GRAP2: variants seen among roughly 807,000 people sequenced by gnomAD.
The protein encoded by GRAP2 is GRB2 related adaptor protein 2.
In GRAP2, 31 loss-of-function variants were observed where a neutral mutation model predicts 43.5. The ratio of observed to expected loss-of-function variants is 0.71; its 90% CI spans 0.54 to 0.96. The LOEUF is 0.96. Among genes scored for constraint, GRAP2 ranks in the 40% least tolerant of loss-of-function variants. GRAP2 has a pLI of 0.00. For missense variants in GRAP2, 371 were observed against 424.4 expected, an observed-to-expected ratio of 0.87 and a Z score of 1.11; for synonymous variants, 156 against 164.8, an observed-to-expected ratio of 0.95 and a Z score of 0.41.
At chr22:39,919,187 A>G (rs1397856994) in intron 1 of GRAP2, among the ~76,000 whole-genome samples, 2 of 152,044 alleles carry the variant, frequency 1.3e-5, no homozygotes, top group Non-Finnish European at 2.9e-5. Context: ...AGCTGACCCT[A>G]TTTTTTACCC....
At chr22:39,939,423 G>T (rs1490681666) in intron 1 of GRAP2, among the ~76,000 whole-genome samples, 1 of 151,924 alleles carries the variant, frequency 6.6e-6, no homozygotes. Context: ...TTAGCCGGGC[G>T]TGGTGGCAGG....
intron 1 of GRAP2, among the ~76,000 whole-genome samples, chr22:39,935,030 G>A (rs757446589): frequency 2.0e-5 from 3 of 152,114 alleles, no homozygotes; most frequent in Admixed American, 6.5e-5. Flanking sequence ...TTTGTATTTT[G>A]AGAAAAATAT....
At chr22:39,940,383 G>GTTTTTTTTTTTTTTTTTT (rs137987) in intron 1 of GRAP2, among the ~76,000 whole-genome samples, 1 of 131,466 alleles carries the variant, frequency 7.6e-6, no homozygotes, top group African/African-American at 2.8e-5. Flanking sequence ...TTTTTTGTTT[G>GTTTTTTTTTTTTTTTTTT]TTTTTTTTTT....
intron 1 of GRAP2, among the ~76,000 whole-genome samples, chr22:39,922,622 C>CA (rs2066662424): frequency 6.6e-6 from 1 of 151,774 alleles, no homozygotes; most frequent in African/African-American, 2.4e-5. Flanking sequence ...ACTCTGGAAG[C>CA]AATGAGGAGG....
intron 3 of GRAP2, among the ~76,000 whole-genome samples, chr22:39,959,361 C>G (rs994166075): frequency 1.3e-5 from 2 of 152,322 alleles, no homozygotes; most frequent in Admixed American, 6.5e-5. Context: ...GATTATTTCC[C>G]AGCCTGGATT....
chr22:39,924,376 T>C (rs931974151), intron 1 of GRAP2, among the ~76,000 whole-genome samples: 7 of 152,200 alleles, frequency 4.6e-5, no homozygotes, highest in Non-Finnish European at 1.0e-4. Flanking sequence ...GGTCGTACTT[T>C]CCATGAGTTT....
chr22:39,969,959 G>A (rs908979077), intron 7 of GRAP2, among the ~76,000 whole-genome samples: 7 of 152,152 alleles, frequency 4.6e-5, no homozygotes, highest in Admixed American at 6.5e-5. Context: ...ACAGATCAAC[G>A]AGAGGTGATG....
chr22:39,930,835 A>AT lies in GRAP2; in HGVS notation c.-14-16256dup, dbSNP rs372110371. Among the ~76,000 whole-genome samples, 44 of 151,922 alleles carry AT rather than the reference A, an allele frequency of 2.9e-4. 3 individuals carry two copies. The East Asian group carries it at 8.5e-3, about 29-fold the overall frequency. Reference sequence around the variant, plus strand: ...TCCCCAACTCCTATTTGCACACACCATTCTCTCTGTGTGTCATATATGAGC... The same window carrying AT: ...TCCCCAACTCCTATTTGCACACACCATTTCTCTCTGTGTGTCATATATGAGC... On this transcript the variant is annotated intron_variant, in intron 1 of 7. Transcript: ENST00000344138.
intron 1 of GRAP2, among the ~76,000 whole-genome samples, chr22:39,925,806 G>C (rs1281976355): frequency 1.3e-5 from 2 of 152,148 alleles, no homozygotes; most frequent in Non-Finnish European, 2.9e-5. Flanking sequence ...CTGAGTCCCC[G>C]ACTTCATCTC....
intron 1 of GRAP2, among the ~76,000 whole-genome samples, chr22:39,902,978 G>A (rs1039148865): frequency 6.6e-6 from 1 of 152,126 alleles, no homozygotes; most frequent in South Asian, 2.1e-4. Flanking sequence ...TAGAACTATT[G>A]CTTCCTAGAA....
chr22:39,911,595 A>G (rs1423523441), intron 1 of GRAP2, among the ~76,000 whole-genome samples: 1 of 152,152 alleles, frequency 6.6e-6, no homozygotes, highest in Non-Finnish European at 1.5e-5. Context: ...TAGAAATGTC[A>G]TATTTCAAAA....
rs1183583196 is a variant in GRAP2 at position 39,966,024 on chromosome 22, C to A, written c.325C>A (p.Arg109=). ...EDDVQHFKVM[R]DNKGNYFLWT... The stretch of plus-strand genomic sequence containing the variant: ...TGACGTTCAACACTTCAAGGTCATG[C>A]GAGACAACAAGGGTAATTACTTTCT... The change falls in exon 5 of 8, where the codon CGA becomes AGA. Residue 109 remains arginine, a synonymous_variant. Coordinates refer to ENST00000344138, the MANE Select transcript of GRAP2 (RefSeq NM_004810.4). 2 of 1,613,944 alleles carry A rather than the reference C, an allele frequency of 1.2e-6. No individual in the cohort carries two copies. Among genetic ancestry groups the A allele is most frequent in the Non-Finnish European group, 8.5e-7 (1 of 1,179,832 alleles).
intron 1 of GRAP2, among the ~76,000 whole-genome samples, chr22:39,921,170 G>A (rs1431762947): frequency 1.3e-5 from 2 of 152,154 alleles, no homozygotes; most frequent in Non-Finnish European, 2.9e-5. Flanking sequence ...CTCTAGCAAG[G>A]CAGGAAGCTT....
chr22:39,897,509 T>A (rs1331531125), upstream of GRAP2, among the ~76,000 whole-genome samples: 1 of 150,582 alleles, frequency 6.6e-6, no homozygotes, highest in Non-Finnish European at 1.5e-5. Flanking sequence ...ACTATGAAAG[T>A]AGCCTCTTTT....
intron 1 of GRAP2, among the ~76,000 whole-genome samples, chr22:39,934,016 G>A (rs2066782525): frequency 2.0e-5 from 3 of 152,102 alleles, no homozygotes; most frequent in Non-Finnish European, 2.9e-5. Context: ...CGAGGAAAGC[G>A]GAAAAGCAAT....
At position 39,922,382 on chromosome 22, in the gene GRAP2, A is replaced by G. The variant is rs572813875; in HGVS notation, c.-15+21052A>G. Reference sequence around the variant, plus strand: ...GGAGTACAAAAAGGAGAATAGTCCAAGAAGAAACACTCAGGGATGATTTGC... The same window carrying G: ...GGAGTACAAAAAGGAGAATAGTCCAGGAAGAAACACTCAGGGATGATTTGC... On this transcript the variant is annotated intron_variant, in intron 1 of 7. Coordinates refer to ENST00000344138, the MANE Select transcript of GRAP2 (RefSeq NM_004810.4). Among the ~76,000 whole-genome samples, 5 of 152,320 alleles carry G rather than the reference A, an allele frequency of 3.3e-5. No individual in the cohort carries two copies. The East Asian group carries it at 9.6e-4, about 29-fold the overall frequency.
At position 39,965,986 on chromosome 22, in the gene GRAP2, C is replaced by T; in HGVS notation, c.291-4C>T. On this transcript the variant is annotated splice_region_variant and splice_polypyrimidine_tract_variant and intron_variant, in intron 4 of 7. Transcript: ENST00000344138. ...ATACAATTTTGTTTTGCCTTGATCT[C>T]CAGGCATGAGGATGACGTTCAACAC... The T allele has an allele frequency of 6.2e-7, 1 of 1,613,470 alleles. No individual in the cohort carries two copies.
intron 1 of GRAP2, among the ~76,000 whole-genome samples, chr22:39,933,729 T>C (rs1369238420): frequency 6.6e-6 from 1 of 151,460 alleles, no homozygotes; most frequent in Admixed American, 6.6e-5. Flanking sequence ...TAATCCCAGC[T>C]CCTCAGGAGG....
intron 1 of GRAP2, among the ~76,000 whole-genome samples, chr22:39,929,866 A>G (rs1271949761): frequency 6.6e-6 from 1 of 152,112 alleles, no homozygotes; most frequent in East Asian, 1.9e-4. Flanking sequence ...CTCTTTCTGT[A>G]TTCCCTTATC....
Sources: allele counts gnomAD v4.1 joint callset (sites outside exome capture counted in the v4.1 genomes callset), GRCh38; gene constraint gnomAD v4.1.1; transcripts MANE v1.5; gene names NCBI Gene and HGNC (gene_info 2026-07-23, HGNC 2026-07-21).